SGCZ: variants seen among roughly 807,000 people sequenced by gnomAD.
The protein encoded by SGCZ is zeta-sarcoglycan.
A neutral mutation model predicts 41.3 loss-of-function variants in SGCZ; 40 were observed. The observed-to-expected ratio is 0.97, with a 90% CI of 0.75 to 1.26. The LOEUF is 1.26. Among genes scored for constraint, SGCZ ranks in the 50% most tolerant of loss-of-function variants. SGCZ has a pLI of 0.00. For missense variants in SGCZ, 552 were observed against 369.8 expected (o/e 1.49, Z -4.04); for synonymous variants, 206 against 137.5 (o/e 1.50, Z -3.49).
At chr8:14,199,741 C>T (rs868179295) in intron 4 of SGCZ, among the ~76,000 whole-genome samples, 26 of 152,004 alleles carry the variant, frequency 1.7e-4, no homozygotes, top group African/African-American at 6.3e-4. Context: ...GAGTGAATTT[C>T]CCCCGATATA....
At chr8:15,109,908 A>G (rs1343759385) in intron 1 of SGCZ, among the ~76,000 whole-genome samples, 1 of 152,212 alleles carries the variant, frequency 6.6e-6, no homozygotes, top group East Asian at 1.9e-4. Context: ...CTTTTATAAA[A>G]TAATAGGAAT....
chr8:14,731,364 A>C (rs996341103), intron 1 of SGCZ, among the ~76,000 whole-genome samples: 4 of 150,284 alleles, frequency 2.7e-5, no homozygotes, highest in Non-Finnish European at 4.4e-5. Flanking sequence ...GGAGGGGAAC[A>C]TCACACACTG....
At chr8:14,266,030 A>G (rs759253675) in intron 3 of SGCZ, among the ~76,000 whole-genome samples, 2 of 152,070 alleles carry the variant, frequency 1.3e-5, no homozygotes, top group African/African-American at 4.8e-5. Flanking sequence ...AGAGGCTCTT[A>G]AGCATGCCAA....
chr8:14,640,700 A>C (rs1229430799), intron 1 of SGCZ, among the ~76,000 whole-genome samples: 2 of 151,100 alleles, frequency 1.3e-5, no homozygotes, highest in East Asian at 2.0e-4. Context: ...CTTGAGTTTT[A>C]ACTTTTACTT....
chr8:14,782,008 A>T (rs1287208514), intron 1 of SGCZ, among the ~76,000 whole-genome samples: 1 of 152,158 alleles, frequency 6.6e-6, no homozygotes, highest in African/African-American at 2.4e-5. Context: ...ATCCTGAGTT[A>T]TGGACTCTCT....
chr8:15,198,499 C>T (rs912963138), intron 1 of SGCZ, among the ~76,000 whole-genome samples: 8 of 152,090 alleles, frequency 5.3e-5, no homozygotes, highest in Non-Finnish European at 1.0e-4. Flanking sequence ...AAAAGTAGCA[C>T]ATCAATCTGG....
At chr8:15,035,010 A>G (rs187287296) in intron 1 of SGCZ, among the ~76,000 whole-genome samples, 280 of 152,288 alleles carry the variant, frequency 1.8e-3, no homozygotes, top group Non-Finnish European at 3.1e-3. Context: ...AAAACACCTG[A>G]AAGTATTAAG....
At chr8:14,394,255 A>T (rs562300971) in intron 2 of SGCZ, among the ~76,000 whole-genome samples, 1 of 147,438 alleles carries the variant, frequency 6.8e-6, no homozygotes, top group Non-Finnish European at 1.5e-5. Flanking sequence ...GGTTTAAGTG[A>T]TTCTCCTGCC....
chr8:14,479,931 G>C (rs996382516), intron 2 of SGCZ, among the ~76,000 whole-genome samples: 18 of 151,842 alleles, frequency 1.2e-4, no homozygotes, highest in African/African-American at 4.1e-4. Flanking sequence ...TTTTAGTAAA[G>C]ATAGAGTTTC....
At chr8:14,258,515 A>G (rs572582065) in intron 3 of SGCZ, among the ~76,000 whole-genome samples, 16 of 152,332 alleles carry the variant, frequency 1.1e-4, no homozygotes, top group Admixed American at 1.0e-3. Flanking sequence ...CATTAGGTTA[A>G]TAGACAAGAT....
At chr8:14,273,408 C>T (rs943157378) in intron 3 of SGCZ, among the ~76,000 whole-genome samples, 1 of 152,036 alleles carries the variant, frequency 6.6e-6, no homozygotes, top group Non-Finnish European at 1.5e-5. Context: ...TTATATGGCA[C>T]ACATTTCTCC....
At chr8:14,574,310 G>A (rs1269123393) in intron 1 of SGCZ, among the ~76,000 whole-genome samples, 1 of 151,844 alleles carries the variant, frequency 6.6e-6, no homozygotes, top group Non-Finnish European at 1.5e-5. Context: ...CTCCCCTTAG[G>A]CAAGCCAAAG....
intron 2 of SGCZ, among the ~76,000 whole-genome samples, chr8:14,362,660 C>T (rs548638125): frequency 8.5e-5 from 13 of 152,236 alleles, no homozygotes; most frequent in African/African-American, 3.1e-4. Context: ...CCAGATGAGG[C>T]GACACCCCAT....
intron 2 of SGCZ, among the ~76,000 whole-genome samples, chr8:14,505,682 C>T (rs1196523990): frequency 6.6e-6 from 1 of 152,094 alleles, no homozygotes; most frequent in African/African-American, 2.4e-5. Flanking sequence ...GCAGGACATG[C>T]CAGTTAACCA....
intron 4 of SGCZ, among the ~76,000 whole-genome samples, chr8:14,224,984 G>A (rs1286379034): frequency 6.6e-6 from 1 of 152,076 alleles, no homozygotes; most frequent in East Asian, 1.9e-4. Context: ...CAGTAACCCT[G>A]TGAACTTCTG....
At chr8:14,258,919 T>C (rs933888560) in intron 3 of SGCZ, among the ~76,000 whole-genome samples, 2 of 152,198 alleles carry the variant, frequency 1.3e-5, no homozygotes, top group Non-Finnish European at 2.9e-5. Context: ...TTATAAATTA[T>C]GTAGCATACA....
At chr8:15,083,478 G>C (rs1805830100) in intron 1 of SGCZ, among the ~76,000 whole-genome samples, 1 of 152,002 alleles carries the variant, frequency 6.6e-6, no homozygotes, top group African/African-American at 2.4e-5. Flanking sequence ...TGGGAATCTA[G>C]TTAACATATG....
At chr8:14,932,537 G>A (rs1199163137) in intron 1 of SGCZ, among the ~76,000 whole-genome samples, 1 of 151,890 alleles carries the variant, frequency 6.6e-6, no homozygotes, top group Admixed American at 6.6e-5. Flanking sequence ...AAGGGAAGGG[G>A]CAATGACAGA....
intron 2 of SGCZ, among the ~76,000 whole-genome samples, chr8:14,519,181 C>A (rs532785991): frequency 1.3e-5 from 2 of 150,890 alleles, no homozygotes; most frequent in Non-Finnish European, 3.0e-5. Flanking sequence ...AATGAATAAA[C>A]AGTGCAGGTA....
Sources: gnomAD v4.1 joint callset for allele counts (sites outside exome capture counted in the v4.1 genomes callset) on GRCh38, gnomAD v4.1.1 for gene constraint, MANE v1.5 for transcripts, NCBI Gene and HGNC (gene_info 2026-07-23, HGNC 2026-07-21) for gene names.